Variants in TYRP1 observed in about 807,000 individuals in gnomAD.
TYRP1 encodes the protein 5,6-dihydroxyindole-2-carboxylic acid oxidase.
A neutral mutation model predicts 42.8 loss-of-function variants in TYRP1; 49 were observed. That is an observed-to-expected ratio of 1.14 (90% CI 0.91 to 1.45). The LOEUF (loss-of-function observed/expected upper bound fraction) is 1.45, where lower values mean the gene tolerates loss of function less well. Among genes scored for constraint, TYRP1 ranks in the 40% most tolerant of loss-of-function variants. TYRP1 has a pLI of 0.00. For synonymous variants in TYRP1, 279 were observed against 235.4 expected (o/e 1.19, Z -1.69); for missense variants, 848 against 662.0 (o/e 1.28, Z -3.08).
At chr9:12,698,823 A>G (rs1163164792) in intron 4 of TYRP1, among the ~76,000 whole-genome samples, 168 bp downstream of exon 4, 2 of 152,128 alleles carry the variant, frequency 1.3e-5, no homozygotes, top group Non-Finnish European at 2.9e-5. Context: ...TGTTCAAGGT[A>G]CTCTAGAAGT....
chr9:12,702,644 T>C (rs1226324479), intron 5 of TYRP1, among the ~76,000 whole-genome samples: 1 of 151,996 alleles, frequency 6.6e-6, no homozygotes, highest in Admixed American at 6.6e-5. Context: ...TCATTATAGG[T>C]GAAGCCCTTG....
Position 12,694,171 on chromosome 9 carries a change from T to C in TYRP1, c.175T>C (p.Ser59Pro), listed in dbSNP as rs755314662. The change falls in exon 2 of 8, where the codon TCA becomes CCA. Residue 59 changes from serine to proline, a missense_variant. Ser to Pro is a moderately conservative substitution (Grantham distance 74, BLOSUM62 -1). Transcript: ENST00000388918. ...SGPGTDRCGSSSGRGRCEAVT... is the reference protein window; with the variant it reads ...SGPGTDRCGSPSGRGRCEAVT... ...GCCTGGGACAGACCGCTGTGGCTCA[T>C]CATCAGGGAGGGGCAGATGTGAGGC... The C allele has an allele frequency of 1.9e-6, 3 of 1,613,862 alleles. No individual in the cohort carries two copies. The African/African-American group carries it at 4.0e-5, about 22-fold the overall frequency.
At chr9:12,696,927 G>A (rs1173139771) in intron 3 of TYRP1, among the ~76,000 whole-genome samples, 1 of 152,034 alleles carries the variant, frequency 6.6e-6, no homozygotes, top group African/African-American at 2.4e-5. Flanking sequence ...GCAGAATGCT[G>A]TGCCAGCATT....
chr9:12,694,286 G>A lies in TYRP1; in HGVS notation c.290G>A (p.Arg97Lys), dbSNP rs1201519303. 2.5e-6 allele frequency: 4 copies of A among 1,613,940 alleles called. No individual in the cohort carries two copies. The highest frequency in any genetic ancestry group is 3.4e-6 in the Non-Finnish European group (4 of 1,179,964). The change falls in exon 2 of 8, where the codon AGG becomes AAG. Residue 97 changes from arginine to lysine, a missense_variant. Transcript: ENST00000388918. ...REVWPLRFFN[R>K]TCHCNGNFSG... ...GTCTGGCCCTTGCGCTTCTTCAATA[G>A]GACATGTCACTGCAACGGCAATTTC...
intron 3 of TYRP1, among the ~76,000 whole-genome samples, chr9:12,697,557 G>T (rs1028410843): frequency 6.6e-6 from 1 of 152,094 alleles, no homozygotes. Flanking sequence ...AAGTGAAAAA[G>T]TAGAAATATA....
rs1415435313 is a variant in TYRP1 at position 12,695,766 on chromosome 9, T to A, written c.637T>A (p.Phe213Ile). The A allele has an allele frequency of 1.2e-6, 2 of 1,614,144 alleles. No homozygotes were observed. The highest frequency in any genetic ancestry group is 1.3e-5 in the African/African-American group (1 of 75,040). ...ACAGGAAAGCTTTGGTGAAGTGGAT[T>A]TCTCTCATGAGGGACCAGCTTTTCT... ...VGQESFGEVD[F>I]SHEGPAFLTW... is the part of the protein sequence containing the mutation. Residue 213 changes from phenylalanine (F) to isoleucine (I), a missense_variant, in exon 3 of 8, where the codon TTC (phenylalanine) becomes ATC (isoleucine). Physicochemically the swap from Phe to Ile is conservative, Grantham distance 21. Coordinates refer to ENST00000388918, the MANE Select transcript of TYRP1 (RefSeq NM_000550.3).
At chr9:12,695,473 G>C (rs767719230) in intron 2 of TYRP1, 42 bp from the exon 3 acceptor site, 1 of 1,592,790 alleles carries the variant, frequency 6.3e-7, no homozygotes, top group Non-Finnish European at 8.6e-7. Flanking sequence ...ACCCATCCCC[G>C]CAAGGCAGAT....
intron 5 of TYRP1, among the ~76,000 whole-genome samples, 174 bp from the exon 6 acceptor site, chr9:12,704,352 A>G (rs1040165134): frequency 6.6e-6 from 1 of 152,066 alleles, no homozygotes; most frequent in African/African-American, 2.4e-5. Flanking sequence ...AGCTCTGGGT[A>G]TAGCAAACAA....
rs1045422255 is a variant in TYRP1, at chr9:12,698,522, C to A, written c.780C>A (p.Ile260=). Residue 260 remains isoleucine, a synonymous_variant, in exon 4 of 8, where the codon ATC becomes ATA. Coordinates refer to ENST00000388918, the MANE Select transcript of TYRP1 (RefSeq NM_000550.3). The part of the protein sequence containing the change: ...NFATGKNVCD[I]CTDDLMGSRS... ...CAACGGGGAAAAATGTCTGTGATATCTGCACGGATGACTTGATGGGATCCA... is the reference window on the plus strand; with the variant it reads ...CAACGGGGAAAAATGTCTGTGATATATGCACGGATGACTTGATGGGATCCA... 4.3e-6 allele frequency: 7 copies of A among 1,613,808 alleles called. No homozygotes were observed. The Admixed American group carries it at 1.2e-4, about 27-fold the overall frequency.
At position 12,709,240 on chromosome 9, in the gene TYRP1, G is replaced by C; in HGVS notation, c.*58G>C. ...CAAAACCACCTGGTTGAATATAATA[G>C]ATTGAGTTATTAACTGTATTTTCTT... On this transcript the variant is annotated 3_prime_UTR_variant, in exon 8 of 8. Coordinates refer to ENST00000388918, the MANE Select transcript of TYRP1 (RefSeq NM_000550.3). 6.8e-7 allele frequency: 1 copy of C among 1,478,970 alleles called. No individual in the cohort carries two copies. The highest frequency in any genetic ancestry group is 9.4e-7 in the Non-Finnish European group (1 of 1,059,520). 91.6% of individuals were successfully genotyped at this position (1,478,970 alleles called of 1,614,324 possible).
At chr9:12,698,386 GA>G (rs1818110916) in intron 3 of TYRP1, 64 bp from the exon 4 acceptor site, 2 of 1,480,054 alleles carry the variant, frequency 1.4e-6, no homozygotes, top group Non-Finnish European at 1.9e-6. Flanking sequence ...TCAGAGAGTA[GA>G]CCAAACAGAA....
chr9:12,703,516 C>G (rs1380880879), intron 5 of TYRP1, among the ~76,000 whole-genome samples: 10 of 151,826 alleles, frequency 6.6e-5, no homozygotes, highest in Non-Finnish European at 1.5e-4. Context: ...AATGCCCAAT[C>G]AGAAGACAAT....
At chr9:12,697,902 G>A (rs547947332) in intron 3 of TYRP1, among the ~76,000 whole-genome samples, 7 of 152,240 alleles carry the variant, frequency 4.6e-5, no homozygotes, top group East Asian at 3.9e-4. Context: ...AACACCTTCC[G>A]TGCTCAGTGT....
rs202014726 is a variant in TYRP1, at chr9:12,703,883, A to G, written c.1082-643A>G. The stretch of plus-strand genomic sequence containing the variant: ...CCTTATATATGGAATATATATATAT[A>G]TGTGTGTGTGTGTGTGTGTGTGTGT... On this transcript the variant is annotated intron_variant, in intron 5 of 7. Transcript: ENST00000388918. Among the ~76,000 whole-genome samples the G allele has an allele frequency of 6.3e-3, 900 of 143,490 alleles. 4 individuals carry two copies. The highest frequency in any genetic ancestry group is 0.011 in the African/African-American group (426 of 38,904). 94.1% of individuals were successfully genotyped at this position (143,490 alleles called of 152,430 possible). A position where few individuals can be genotyped will look rare whatever the true frequency, so the allele number is the denominator to read the frequency against.
In TYRP1 at chr9:12,709,281, C is replaced by G; in HGVS notation, c.*99C>G. 3 of 1,185,726 alleles carry G rather than the reference C, an allele frequency of 2.5e-6. No homozygotes were observed. The highest frequency in any genetic ancestry group is 2.4e-5 in the East Asian group (1 of 41,582). The allele number at this position is 1,185,726 out of a possible 1,614,324, so 73.5% of individuals were successfully genotyped here. ...GTATTTTCTTTCACTTTATTACCTT[C>G]TTTCTAATACAAGCATATGTTAGCA... On this transcript the variant is annotated 3_prime_UTR_variant, in exon 8 of 8. Transcript: ENST00000388918.
chr9:12,702,266 T>C lies in TYRP1; in HGVS notation c.914-5T>C. 1 of 1,612,938 alleles carries C rather than the reference T, an allele frequency of 6.2e-7. No individual in the cohort carries two copies. Among genetic ancestry groups the C allele is most frequent in the Non-Finnish European group, 8.5e-7 (1 of 1,179,296 alleles). The stretch of plus-strand genomic sequence containing the variant: ...AATGTTTCCACATCCCATTTTTTTC[T>C]GCAGGCACCGAGGATGGGCCAATTA... On this transcript the variant is annotated splice_polypyrimidine_tract_variant and splice_region_variant and intron_variant, in intron 4 of 7. Coordinates refer to ENST00000388918, the MANE Select transcript of TYRP1 (RefSeq NM_000550.3).
chr9:12,702,175 A>G (rs1350650590), intron 4 of TYRP1, 96 bp from the exon 5 acceptor site: 9 of 1,306,230 alleles, frequency 6.9e-6, no homozygotes, highest in Non-Finnish European at 8.6e-6. Flanking sequence ...AGGAAAACCT[A>G]TATTTCATAT....
At chr9:12,696,798 A>C (rs1818086227) in intron 3 of TYRP1, among the ~76,000 whole-genome samples, 1 of 152,218 alleles carries the variant, frequency 6.6e-6, no homozygotes, top group Non-Finnish European at 1.5e-5. Flanking sequence ...AAATCCACAA[A>C]GTAAACCTGT....
Position 12,702,252 on chromosome 9 carries a change from A to G in TYRP1, c.914-19A>G, listed in dbSNP as rs756462182. 6.2e-7 allele frequency: 1 copy of G among 1,612,646 alleles called. No individual in the cohort carries two copies. Among genetic ancestry groups the G allele is most frequent in the South Asian group, 1.1e-5 (1 of 91,052 alleles). On this transcript the variant is annotated intron_variant, in intron 4 of 7. Transcript: ENST00000388918. ...CCAAACATTGTGTAAATGTTTCCAC[A>G]TCCCATTTTTTTCTGCAGGCACCGA...
Sources: gnomAD v4.1 joint callset for allele counts (sites outside exome capture counted in the v4.1 genomes callset) on GRCh38, gnomAD v4.1.1 for gene constraint, MANE v1.5 for transcripts, NCBI Gene and HGNC (gene_info 2026-07-23, HGNC 2026-07-21) for gene names.